The following HDX variants were observed in gnomAD, a reference collection of about 807,000 sequenced individuals.
HDX encodes highly divergent homeobox.
HDX carries 19 observed loss-of-function variants against 45.2 expected under a neutral mutation model. The ratio of observed to expected loss-of-function variants is 0.42; its 90% CI spans 0.29 to 0.62. The LOEUF is 0.62. Among genes scored for constraint, HDX ranks in the 20% least tolerant of loss-of-function variants. HDX has a pLI of 0.20. For missense variants in HDX, 532 were observed against 493.9 expected (o/e 1.08, Z -0.73); for synonymous variants, 188 against 172.8 (o/e 1.09, Z -0.69).
rs187507521 is a variant in HDX at position 84,361,181 on chromosome X, T to G, written c.1452+285A>C. Among the ~76,000 whole-genome samples the G allele has an allele frequency of 5.6e-3, 626 of 112,064 alleles. 4 individuals carry two copies. Among genetic ancestry groups the G allele is most frequent in the Non-Finnish European group, 4.1e-3 (216 of 53,218 alleles). ...TAATGATGTTGAACATAATTTCAGGTAAATATTGGCAATATGTATATCTTT... is the reference window on the plus strand; with the variant it reads ...TAATGATGTTGAACATAATTTCAGGGAAATATTGGCAATATGTATATCTTT... On this transcript the variant is annotated intron_variant, in intron 6 of 10. Coordinates refer to ENST00000373177, the MANE Select transcript of HDX (RefSeq NM_001177479.2).
chrX:84,435,349 T>C (rs1025546536), intron 5 of HDX, among the ~76,000 whole-genome samples: 10 of 111,466 alleles, frequency 9.0e-5, no homozygotes, highest in African/African-American at 2.9e-4. Context: ...TTTGGCTGCA[T>C]AAATGTCTTC....
intron 5 of HDX, among the ~76,000 whole-genome samples, chrX:84,391,602 A>G (rs1041995653): frequency 9.0e-6 from 1 of 111,251 alleles, no homozygotes; most frequent in Non-Finnish European, 1.9e-5. Flanking sequence ...CTGCATCCTC[A>G]CTAACATTTG....
At position 84,468,830 on chromosome X, in the gene HDX, A is replaced by C. The variant is rs2040403375; in HGVS notation, c.893T>G (p.Met298Arg). The change falls in exon 4 of 11, where the codon ATG (methionine) becomes AGG (arginine). Residue 298 changes from methionine to arginine, a missense_variant. By Grantham distance (91) the Met-to-Arg change is moderately conservative (BLOSUM62 -1). Around this residue, in one of 3 missense-constraint regions of HDX, gnomAD observed 376 missense variants for 343.7 expected, o/e 1.09. Coordinates refer to ENST00000373177, the MANE Select transcript of HDX (RefSeq NM_001177479.2). ...SAEGNCLSIA[M>R]ETGDAEDEYA... ...TTCATCCTCAGCATCTCCAGTCTCC[A>C]TTGCAATGGACAAACAATTTCCTTC... 8.3e-7 allele frequency: 1 copy of C among 1,209,737 alleles called. No individual in the cohort carries two copies. Among genetic ancestry groups the C allele is most frequent in the African/African-American group, 1.8e-5 (1 of 57,074 alleles).
chrX:84,354,930 C>CATATATATATATAT (rs72331919), intron 6 of HDX, among the ~76,000 whole-genome samples: 2 of 74,832 alleles, frequency 2.7e-5, no homozygotes, highest in Non-Finnish European at 5.0e-5. Context: ...CACACACACA[C>CATATATATATATAT]ATATATATAT....
chrX:84,355,821 C>A (rs1222315596), intron 6 of HDX, among the ~76,000 whole-genome samples: 14 of 107,827 alleles, frequency 1.3e-4, no homozygotes, highest in African/African-American at 4.8e-4. Context: ...AACAAACCTG[C>A]ACATTGTGCA....
chrX:84,408,495 C>CTTTTTT (rs1381735080), intron 5 of HDX, among the ~76,000 whole-genome samples: 2 of 36,151 alleles, frequency 5.5e-5, no homozygotes, highest in Admixed American at 3.8e-4. Flanking sequence ...ATGCCTCCAG[C>CTTTTTT]TTTGTTTTTT....
intron 5 of HDX, among the ~76,000 whole-genome samples, chrX:84,418,834 T>C (rs1224446647): frequency 9.0e-6 from 1 of 110,598 alleles, no homozygotes; most frequent in African/African-American, 3.3e-5. Flanking sequence ...ATCACTCCTT[T>C]CCAGACCCTA....
intron 1 of HDX, among the ~76,000 whole-genome samples, chrX:84,493,368 T>C (rs752792628): frequency 8.9e-6 from 1 of 111,982 alleles, no homozygotes; most frequent in African/African-American, 3.2e-5. Context: ...TAAAAACTTA[T>C]CATATGATTT....
rs942449740 is a variant in HDX, at chrX:84,352,964, G to A, written c.1452+8502C>T. 4.5e-5 allele frequency among the ~76,000 whole-genome samples: 5 copies of A among 110,651 alleles called. No homozygotes were observed. In the East Asian group the frequency reaches 1.4e-3, roughly 32 times the overall value. ...CTCCATTTGGGTCATAAAAGCTGGG[G>A]AAGAGTGAAGAAAAAAAAAGCAGAA... On this transcript the variant is annotated intron_variant, in intron 6 of 10. Coordinates refer to ENST00000373177, the MANE Select transcript of HDX (RefSeq NM_001177479.2).
intron 4 of HDX, among the ~76,000 whole-genome samples, chrX:84,462,714 AAG>A (rs764418353): frequency 6.3e-5 from 7 of 111,269 alleles, no homozygotes; most frequent in Admixed American, 2.9e-4. Flanking sequence ...ATTGGCATCA[AAG>A]AGAGTAATAA....
chrX:84,388,008 C>A lies in HDX; in HGVS notation c.1306-26396G>T, dbSNP rs758287297. On this transcript the variant is annotated intron_variant, in intron 5 of 10. Coordinates refer to ENST00000373177, the MANE Select transcript of HDX (RefSeq NM_001177479.2). ...AGACTTGTCTAGTTGAAATGAACGC[C>A]ACTATCATTTGCTTGTCTGAGAAGG... 2.2e-3 allele frequency among the ~76,000 whole-genome samples: 250 copies of A among 111,953 alleles called. 2 individuals carry two copies. The highest frequency in any genetic ancestry group is 7.8e-3 in the African/African-American group (241 of 30,843).
chrX:84,329,855 G>GT (rs2036808733), intron 9 of HDX, among the ~76,000 whole-genome samples: 1 of 111,188 alleles, frequency 9.0e-6, no homozygotes, highest in South Asian at 3.8e-4. Context: ...GAATTTGATT[G>GT]TTTTTGATTG....
intron 5 of HDX, among the ~76,000 whole-genome samples, chrX:84,388,489 T>C (rs1218877448): frequency 8.9e-6 from 1 of 111,846 alleles, no homozygotes; most frequent in Non-Finnish European, 1.9e-5. Context: ...GAGGTTTTGT[T>C]CATTTTTCTT....
intron 5 of HDX, among the ~76,000 whole-genome samples, chrX:84,405,916 T>C: frequency 9.0e-6 from 1 of 110,677 alleles, no homozygotes. Flanking sequence ...TATTTATTAT[T>C]ATTTAGATTA....
chrX:84,481,376 T>C (rs1485730752), intron 2 of HDX, among the ~76,000 whole-genome samples: 1 of 111,457 alleles, frequency 9.0e-6, no homozygotes, highest in Admixed American at 9.6e-5. Flanking sequence ...ATTGAGCGCC[T>C]TCAATGTGCC....
At chrX:84,480,752 T>TG (rs60992465) in intron 2 of HDX, among the ~76,000 whole-genome samples, 1,142 of 111,021 alleles carry the variant, frequency 0.01, 22 homozygotes, top group African/African-American at 0.036. Context: ...ATATATAATT[T>TG]ATTAAATTTT....
intron 5 of HDX, among the ~76,000 whole-genome samples, chrX:84,414,540 C>A (rs1173729423): frequency 9.8e-5 from 11 of 111,879 alleles, no homozygotes; most frequent in African/African-American, 3.6e-4. Flanking sequence ...TTTCATTTTT[C>A]TTTTCCCTGT....
intron 6 of HDX, among the ~76,000 whole-genome samples, chrX:84,345,120 C>A (rs1350754541): frequency 9.0e-6 from 1 of 111,281 alleles, no homozygotes; most frequent in African/African-American, 3.3e-5. Flanking sequence ...AACCAATTTT[C>A]AAGACATTTT....
At chrX:84,417,233 A>G (rs2039133661) in intron 5 of HDX, among the ~76,000 whole-genome samples, 1 of 110,578 alleles carries the variant, frequency 9.0e-6, no homozygotes. Context: ...AGAAAGAAAG[A>G]AAGAAAGAAA....
Sources: gnomAD v4.1 joint callset for allele counts (sites outside exome capture counted in the v4.1 genomes callset) on GRCh38, gnomAD v4.1.1 for gene constraint, gnomAD v4.1.1 regional missense constraint, MANE v1.5 for transcripts, NCBI Gene and HGNC (gene_info 2026-07-23, HGNC 2026-07-21) for gene names.